Variants in SENP7 observed in about 807,000 individuals in gnomAD.
The protein encoded by SENP7 is SUMO specific peptidase 7.
A neutral mutation model predicts 141.2 loss-of-function variants in SENP7; 64 were observed. The ratio of observed to expected loss-of-function variants is 0.45; its 90% CI spans 0.37 to 0.56. SENP7 has a LOEUF of 0.56. Among genes scored for constraint, SENP7 ranks in the 20% least tolerant of loss-of-function variants. The probability of loss-of-function intolerance (pLI) is 0.00; values close to 1 mark genes in which losing one functional copy is unlikely to be tolerated. For missense variants in SENP7, 1,025 were observed against 1,212.2 expected (o/e 0.85, Z 2.29); for synonymous variants, 382 against 426.4 (o/e 0.90, Z 1.28).
chr3:101,405,404 A>G (rs764971138), intron 5 of SENP7, among the ~76,000 whole-genome samples: 1 of 152,110 alleles, frequency 6.6e-6, no homozygotes, highest in Non-Finnish European at 1.5e-5. Flanking sequence ...ATAAGGGAAC[A>G]CCCCATGGGA....
At chr3:101,427,081 A>G (rs577743074) in intron 4 of SENP7, among the ~76,000 whole-genome samples, 1 of 152,326 alleles carries the variant, frequency 6.6e-6, no homozygotes, top group Admixed American at 6.5e-5. Flanking sequence ...CATCAATGCA[A>G]AAGTCCTCAA....
intron 4 of SENP7, among the ~76,000 whole-genome samples, chr3:101,420,371 A>C (rs986703503): frequency 3.9e-5 from 6 of 152,082 alleles, no homozygotes; most frequent in Non-Finnish European, 7.4e-5. Flanking sequence ...CCGTCTCAAA[A>C]AAAAAAAGTG....
intron 4 of SENP7, among the ~76,000 whole-genome samples, chr3:101,444,997 A>T (rs1490660688): frequency 6.6e-6 from 1 of 152,158 alleles, no homozygotes; most frequent in Non-Finnish European, 1.5e-5. Context: ...ATTTTACCAA[A>T]TAGATTCAAT....
chr3:101,475,502 A>G (rs1351298514), intron 3 of SENP7, among the ~76,000 whole-genome samples: 1 of 152,198 alleles, frequency 6.6e-6, no homozygotes, highest in African/African-American at 2.4e-5. Context: ...GAGTTGAACA[A>G]TGAGAACACA....
At position 101,332,932 on chromosome 3, in the gene SENP7, T is replaced by A. The variant is rs761283540; in HGVS notation, c.2481-70A>T. 4 of 1,387,240 alleles carry A rather than the reference T, an allele frequency of 2.9e-6. No homozygotes were observed. In the South Asian group the frequency reaches 5.7e-5, roughly 20 times the overall value. The allele number at this position is 1,387,240 out of a possible 1,614,324, so 85.9% of individuals were successfully genotyped here. A position where few individuals can be genotyped will look rare whatever the true frequency, so the allele number is the denominator to read the frequency against. ...TTAAGATAGGGACTTCAAGAGCCAT[T>A]TTTATATATTGAAATATCTTAAATT... On this transcript the variant is annotated intron_variant, in intron 17 of 23. Transcript: ENST00000394095.
At chr3:101,443,251 G>A (rs556363276) in intron 4 of SENP7, among the ~76,000 whole-genome samples, 114 of 152,322 alleles carry the variant, frequency 7.5e-4, no homozygotes, top group African/African-American at 2.5e-3. Context: ...TCAAAGATCA[G>A]ATAGTTGTAG....
chr3:101,354,443 C>G (rs2059687167), intron 11 of SENP7, among the ~76,000 whole-genome samples: 1 of 151,876 alleles, frequency 6.6e-6, no homozygotes, highest in South Asian at 2.1e-4. Flanking sequence ...GAGTCTGTTA[C>G]TCCCTTCTTT....
At chr3:101,382,216 AC>A (rs2060522487) in intron 6 of SENP7, among the ~76,000 whole-genome samples, 1 of 152,078 alleles carries the variant, frequency 6.6e-6, no homozygotes, top group Admixed American at 6.6e-5. Flanking sequence ...TCACTCTGTC[AC>A]CCATGCTGGA....
At chr3:101,473,540 A>G (rs760416183) in intron 3 of SENP7, among the ~76,000 whole-genome samples, 3 of 152,080 alleles carry the variant, frequency 2.0e-5, no homozygotes, top group Non-Finnish European at 4.4e-5. Flanking sequence ...CTTCTTTGGA[A>G]AAGCACTTGT....
intron 1 of SENP7, among the ~76,000 whole-genome samples, chr3:101,501,385 G>C (rs1312020037): frequency 1.3e-5 from 2 of 151,366 alleles, no homozygotes; most frequent in Non-Finnish European, 1.5e-5. Context: ...AGAAAAGAAA[G>C]AGGAAAACTT....
chr3:101,493,089 C>A (rs1576517455), intron 3 of SENP7, among the ~76,000 whole-genome samples: 1 of 152,118 alleles, frequency 6.6e-6, no homozygotes, highest in Non-Finnish European at 1.5e-5. Flanking sequence ...AGATCATGTC[C>A]TTTGCATGGA....
chr3:101,460,981 C>T (rs1179246122), intron 3 of SENP7, among the ~76,000 whole-genome samples: 1 of 151,562 alleles, frequency 6.6e-6, no homozygotes, highest in Non-Finnish European at 1.5e-5. Flanking sequence ...AAAACTCTTA[C>T]AATTCAGTAA....
At chr3:101,399,178 C>T in intron 5 of SENP7, 123 bp from the exon 6 acceptor site, 3 of 525,620 alleles carry the variant, frequency 5.7e-6, no homozygotes, top group Non-Finnish European at 6.3e-6. Flanking sequence ...CGAACTACAC[C>T]ACCCTAGAAA....
chr3:101,463,394 T>TAC (rs1292258652), intron 3 of SENP7, among the ~76,000 whole-genome samples: 28 of 86,834 alleles, frequency 3.2e-4, no homozygotes, highest in Admixed American at 1.0e-3. Flanking sequence ...TATATATATA[T>TAC]ATACATATAT....
intron 3 of SENP7, among the ~76,000 whole-genome samples, chr3:101,470,452 C>A (rs1485900656): frequency 6.6e-6 from 1 of 152,082 alleles, no homozygotes; most frequent in Non-Finnish European, 1.5e-5. Flanking sequence ...AAATTAAAAA[C>A]CTTCATGCCA....
At chr3:101,331,123 A>T (rs987690087) in intron 19 of SENP7, among the ~76,000 whole-genome samples, 2 of 152,100 alleles carry the variant, frequency 1.3e-5, no homozygotes, top group Non-Finnish European at 2.9e-5. Context: ...TGTATTTTTT[A>T]AAATGGTATA....
chr3:101,433,692 A>T (rs1239602724), intron 4 of SENP7, among the ~76,000 whole-genome samples: 1 of 152,218 alleles, frequency 6.6e-6, no homozygotes, highest in Non-Finnish European at 1.5e-5. Flanking sequence ...ATATAATGAT[A>T]AAGAGGTCAA....
Position 101,372,119 on chromosome 3 carries a change from G to A in SENP7, c.685C>T (p.Gln229Ter). 1 of 1,534,686 alleles carries A rather than the reference G, an allele frequency of 6.5e-7. No individual in the cohort carries two copies. The highest frequency in any genetic ancestry group is 1.3e-5 in the South Asian group (1 of 78,446). ...TTGTCATCTACTGTCTTACTTCGTT[G>A]TGAGCCCCTGCAAAAGAGAACTGTA... is the stretch of plus-strand genomic sequence containing the variant. ...KSCYLSERGS[Q>*]RSKTVDDNSA... Residue 229 changes from glutamine (Q) to a stop codon, truncating the protein, a stop_gained, in exon 7 of 24, where the codon CAA (glutamine) becomes TAA (stop). Coordinates refer to ENST00000394095, the MANE Select transcript of SENP7 (RefSeq NM_020654.5). LOFTEE classifies it high-confidence loss of function.
rs1171917955 is a variant in SENP7, at chr3:101,352,287, T to A, written c.1624-636A>T. Among the ~76,000 whole-genome samples the A allele has an allele frequency of 2.6e-5, 4 of 152,152 alleles. No individual in the cohort carries two copies. The East Asian group carries it at 7.7e-4, about 29-fold the overall frequency. On this transcript the variant is annotated intron_variant, in intron 11 of 23. Coordinates refer to ENST00000394095, the MANE Select transcript of SENP7 (RefSeq NM_020654.5). The stretch of plus-strand genomic sequence containing the variant: ...GTTTAATGTGAAATGGCTACAAAAG[T>A]CATAGATTCAACTTCATTCACAGCA...
Sources: allele counts gnomAD v4.1 joint callset (sites outside exome capture counted in the v4.1 genomes callset), GRCh38; gene constraint gnomAD v4.1.1; transcripts MANE v1.5; gene names NCBI Gene and HGNC (gene_info 2026-07-23, HGNC 2026-07-21).